AP1G1: variants seen among roughly 807,000 people sequenced by gnomAD.
AP1G1 encodes the protein adaptor related protein complex 1 subunit gamma 1, also known as AP-1 complex subunit gamma-1.
AP1G1 carries 7 observed loss-of-function variants against 108.3 expected under a neutral mutation model. That is an observed-to-expected ratio of 0.06 (90% CI 0.04 to 0.12). The LOEUF is 0.12. Ranked by LOEUF, AP1G1 falls within the 10% of genes least tolerant of loss-of-function variation. The probability of loss-of-function intolerance (pLI) is 1.00; values close to 1 mark genes in which losing one functional copy is unlikely to be tolerated. For missense variants in AP1G1, 756 were observed against 1,010.7 expected, an observed-to-expected ratio of 0.75 and a Z score of 3.42; for synonymous variants, 379 against 353.5, an observed-to-expected ratio of 1.07 and a Z score of -0.81.
In AP1G1 at chr16:71,749,955, C is replaced by T. The variant is rs770723179; in HGVS notation, c.1436G>A (p.Cys479Tyr). The change falls in exon 15 of 23, where the codon TGT becomes TAT. Residue 479 changes from cysteine to tyrosine, a missense_variant. Physicochemically the swap from Cys to Tyr is radical, Grantham distance 194. Coordinates refer to ENST00000299980, the MANE Select transcript of AP1G1 (RefSeq NM_001128.6). ...QQPLVQVAAW[C>Y]IGEYGDLLVS... ...AAGAAGATCACCATATTCACCTATA[C>T]ACCATGCAGCCACTTGTACCAAAGG... The T allele has an allele frequency of 6.2e-7, 1 of 1,613,434 alleles. No homozygotes were observed. Among genetic ancestry groups the T allele is most frequent in the Non-Finnish European group, 8.5e-7 (1 of 1,179,376 alleles).
intron 13 of AP1G1, among the ~76,000 whole-genome samples, chr16:71,753,236 C>A (rs569400507): frequency 6.6e-6 from 1 of 152,180 alleles, no homozygotes; most frequent in Admixed American, 6.5e-5. Flanking sequence ...TGAATTTCTG[C>A]AAGAATGCCA....
At chr16:71,764,540 G>T in intron 8 of AP1G1, 92 bp from the exon 9 acceptor site, 2 of 1,250,338 alleles carry the variant, frequency 1.6e-6, no homozygotes, top group Non-Finnish European at 2.2e-6. Flanking sequence ...TGTGATTACA[G>T]CTATGAATGA....
chr16:71,778,074 AG>A (rs2031859272), intron 2 of AP1G1, among the ~76,000 whole-genome samples: 1 of 152,248 alleles, frequency 6.6e-6, no homozygotes, highest in Non-Finnish European at 1.5e-5. Flanking sequence ...CTCTGTGTGC[AG>A]TAGGCACAGA....
At chr16:71,774,966 C>T (rs1438854340) in intron 2 of AP1G1, among the ~76,000 whole-genome samples, 1 of 151,124 alleles carries the variant, frequency 6.6e-6, no homozygotes, top group African/African-American at 2.4e-5. Context: ...GCCGATCCAC[C>T]TGCCTTGGCC....
intron 6 of AP1G1, among the ~76,000 whole-genome samples, chr16:71,766,950 T>C (rs912437178): frequency 6.6e-6 from 1 of 152,256 alleles, no homozygotes; most frequent in Non-Finnish European, 1.5e-5. Flanking sequence ...GGCAAAGTTA[T>C]ATTAGAGATA....
chr16:71,736,602 T>TTTA (rs1597031525), intron 21 of AP1G1, among the ~76,000 whole-genome samples: 3 of 134,140 alleles, frequency 2.2e-5, no homozygotes, highest in East Asian at 4.3e-4. Flanking sequence ...TTATTTATTT[T>TTTA]TTGAGACGAG....
At chr16:71,785,367 G>C (rs2032161103) in intron 2 of AP1G1, among the ~76,000 whole-genome samples, 1 of 151,140 alleles carries the variant, frequency 6.6e-6, no homozygotes, top group Non-Finnish European at 1.5e-5. Context: ...TTTGAGGTCA[G>C]GAGTTCAAGA....
chr16:71,753,506 G>A (rs1023247700), intron 13 of AP1G1: 24 of 231,958 alleles, frequency 1.0e-4, no homozygotes, highest in South Asian at 3.2e-4. Context: ...GGTTCCCTCC[G>A]TATGGTACAC....
chr16:71,775,448 A>C (rs1354426615), intron 2 of AP1G1, among the ~76,000 whole-genome samples: 1 of 152,208 alleles, frequency 6.6e-6, no homozygotes, highest in Non-Finnish European at 1.5e-5. Context: ...CATTCAAATA[A>C]TCTCTCAGTT....
chr16:71,756,193 A>T, intron 11 of AP1G1, 34 bp from the exon 12 acceptor site: 1 of 1,590,136 alleles, frequency 6.3e-7, no homozygotes. Flanking sequence ...ACAGTTAAGA[A>T]ATTTATAGTG....
At chr16:71,762,024 T>C (rs971992325) in intron 9 of AP1G1, among the ~76,000 whole-genome samples, 25 of 152,028 alleles carry the variant, frequency 1.6e-4, no homozygotes, top group Admixed American at 3.9e-4. Context: ...ATTTCACTTT[T>C]AGGAATTGAT....
At chr16:71,778,405 G>A (rs961084315) in intron 2 of AP1G1, among the ~76,000 whole-genome samples, 6 of 152,110 alleles carry the variant, frequency 3.9e-5, no homozygotes, top group African/African-American at 1.4e-4. Context: ...TATCAAGGCC[G>A]GGCGCAGTGG....
chr16:71,755,443 A>T (rs1331595884), intron 12 of AP1G1, among the ~76,000 whole-genome samples: 2 of 151,996 alleles, frequency 1.3e-5, no homozygotes, highest in African/African-American at 4.8e-5. Flanking sequence ...TCTCAAAAAA[A>T]CCCAAAACAA....
chr16:71,806,589 T>C (rs1297189180), intron 1 of AP1G1: 1 of 731,664 alleles, frequency 1.4e-6, no homozygotes, highest in Admixed American at 3.6e-5. Context: ...AAACACTGAG[T>C]TAACTAACAT....
intron 3 of AP1G1, among the ~76,000 whole-genome samples, chr16:71,773,985 G>C (rs1162716228): frequency 6.7e-6 from 1 of 149,576 alleles, no homozygotes; most frequent in Non-Finnish European, 1.5e-5. Flanking sequence ...GGCCAGGCTG[G>C]TCTTGAACTC....
At chr16:71,765,900 C>T (rs2031291822) in intron 6 of AP1G1, among the ~76,000 whole-genome samples, 3 of 152,108 alleles carry the variant, frequency 2.0e-5, no homozygotes, top group Admixed American at 6.5e-5. Context: ...ATGGGGCATA[C>T]CGCATTTCTA....
intron 9 of AP1G1, among the ~76,000 whole-genome samples, chr16:71,763,898 G>A (rs2031206857): frequency 6.6e-6 from 1 of 152,164 alleles, no homozygotes; most frequent in Non-Finnish European, 1.5e-5. Flanking sequence ...ATGAAAAATT[G>A]TCATTAGAAT....
intron 5 of AP1G1, 30 bp downstream of exon 5, chr16:71,771,126 T>A (rs768264077): frequency 7.3e-7 from 1 of 1,373,804 alleles, no homozygotes; most frequent in Non-Finnish European, 1.0e-6. Flanking sequence ...TCTCCCTCAA[T>A]ACTTCATGAA....
chr16:71,755,619 A>AT (rs1453047617), intron 12 of AP1G1, among the ~76,000 whole-genome samples: 2 of 152,088 alleles, frequency 1.3e-5, no homozygotes, highest in Non-Finnish European at 2.9e-5. Context: ...TGTTTTAAAC[A>AT]TATTTAAAGT....
Sources: allele counts gnomAD v4.1 joint callset (sites outside exome capture counted in the v4.1 genomes callset), GRCh38; gene constraint gnomAD v4.1.1; transcripts MANE v1.5; gene names NCBI Gene and HGNC (gene_info 2026-07-23, HGNC 2026-07-21).